Variants in KAZN observed in about 807,000 individuals in gnomAD.
The protein encoded by KAZN is kazrin.
KAZN carries 40 observed loss-of-function variants against 87.4 expected under a neutral mutation model. That is an observed-to-expected ratio of 0.46 (90% CI 0.36 to 0.60). The LOEUF (loss-of-function observed/expected upper bound fraction) is 0.60, where lower values mean the gene tolerates loss of function less well. Ranked by LOEUF, KAZN falls within the 20% of genes least tolerant of loss-of-function variation. The pLI, the probability that KAZN is intolerant of heterozygous loss-of-function variation, is 0.00. For synonymous variants in KAZN, 466 were observed against 458.3 expected (o/e 1.02, Z -0.22); for missense variants, 898 against 1,073.9 (o/e 0.84, Z 2.29).
chr1:14,042,947 A>C (rs949597939), intron 1 of KAZN, among the ~76,000 whole-genome samples: 4 of 152,156 alleles, frequency 2.6e-5, no homozygotes, highest in Admixed American at 2.0e-4. Flanking sequence ...CAAAACATAA[A>C]ATTTACCATT....
chr1:13,936,321 C>T (rs556086696), intron 1 of KAZN, among the ~76,000 whole-genome samples: 20 of 151,740 alleles, frequency 1.3e-4, no homozygotes, highest in East Asian at 3.9e-4. Flanking sequence ...AGGCTGGTCT[C>T]GAACTCCTGA....
intron 1 of KAZN, among the ~76,000 whole-genome samples, chr1:14,085,959 T>C (rs908899156): frequency 3.3e-5 from 5 of 152,260 alleles, no homozygotes; most frequent in Admixed American, 3.3e-4. Context: ...TGATACCCCA[T>C]AGTGGTTTTG....
Position 14,422,398 on chromosome 1 carries a change from G to A in KAZN, c.250-176585G>A, listed in dbSNP as rs560846864. Among the ~76,000 whole-genome samples the A allele has an allele frequency of 2.6e-5, 4 of 152,304 alleles. No homozygotes were observed. In the South Asian group the frequency reaches 8.3e-4, roughly 32 times the overall value. Reference sequence around the variant, plus strand: ...TTCAATAGCACAGGCAAACTACGTAGGTAAAGTATGAGGCTGGCCCAGAAC... The same window carrying A: ...TTCAATAGCACAGGCAAACTACGTAAGTAAAGTATGAGGCTGGCCCAGAAC... On this transcript the variant is annotated intron_variant, in intron 2 of 16. Coordinates refer to the KAZN transcript ENST00000636203.
chr1:14,991,706 A>T (rs1420842159), intron 2 of KAZN, among the ~76,000 whole-genome samples: 1 of 152,068 alleles, frequency 6.6e-6, no homozygotes, highest in Non-Finnish European at 1.5e-5. Context: ...CCCCAGGGGG[A>T]TTGGAGCACA....
intron 1 of KAZN, among the ~76,000 whole-genome samples, chr1:13,906,941 C>T (rs916291119): frequency 3.3e-5 from 5 of 152,126 alleles, no homozygotes; most frequent in East Asian, 1.9e-4. Flanking sequence ...TGGGATTCTT[C>T]GGGAAGTAAG....
chr1:15,044,256 G>T, intron 4 of KAZN, 97 bp downstream of exon 4: 2 of 1,076,166 alleles, frequency 1.9e-6, no homozygotes, highest in African/African-American at 1.6e-5. Context: ...GAGACCTAGG[G>T]TGGGGTGGGT....
chr1:14,005,926 TA>T (rs1640017849), intron 1 of KAZN, among the ~76,000 whole-genome samples: 1 of 152,196 alleles, frequency 6.6e-6, no homozygotes, highest in Non-Finnish European at 1.5e-5. Flanking sequence ...GAGAAAGCTT[TA>T]AACAAAGACT....
chr1:14,174,039 T>A (rs1646015526), intron 1 of KAZN, among the ~76,000 whole-genome samples: 1 of 152,260 alleles, frequency 6.6e-6, no homozygotes, highest in Non-Finnish European at 1.5e-5. Flanking sequence ...AAGGCATTCC[T>A]CTTCGATATC....
At chr1:14,598,636 C>G (rs958149149), upstream of KAZN, 10 of 1,125,128 alleles carry the variant, frequency 8.9e-6, 1 homozygote, top group Middle Eastern at 3.7e-4. The surrounding 1 kb of genome is among the most constrained non-coding windows in gnomAD (Gnocchi z 4.2). Context: ...CCCGAGCCGG[C>G]GGCGAATGGT....
At chr1:14,558,318 C>G (rs148464524) in intron 2 of KAZN, among the ~76,000 whole-genome samples, 1 of 152,184 alleles carries the variant, frequency 6.6e-6, no homozygotes, top group South Asian at 2.1e-4. Context: ...CAGCTGGGCT[C>G]AGCTGCAAGT....
intron 1 of KAZN, among the ~76,000 whole-genome samples, chr1:14,814,813 G>A (rs568201726): frequency 6.6e-6 from 1 of 152,302 alleles, no homozygotes; most frequent in African/African-American, 2.4e-5. Flanking sequence ...TCAAATTCAA[G>A]GAAAGTTTCC....
rs1646469678 is a variant in KAZN at position 14,193,687 on chromosome 1, A to G, written c.249+13095A>G. Reference sequence around the variant, plus strand: ...TTTTTTTTTTTTTTTTTTACCAGGTATAATTCAGTTCAATAGTAGTGCATT... The same window carrying G: ...TTTTTTTTTTTTTTTTTTACCAGGTGTAATTCAGTTCAATAGTAGTGCATT... On this transcript the variant is annotated intron_variant, in intron 2 of 16. Transcript: ENST00000636203. Among the ~76,000 whole-genome samples, 3 of 147,454 alleles carry G rather than the reference A, an allele frequency of 2.0e-5. No individual in the cohort carries two copies. In the South Asian group the frequency reaches 6.4e-4, roughly 31 times the overall value.
intron 1 of KAZN, among the ~76,000 whole-genome samples, chr1:14,068,648 T>A (rs74057011): frequency 6.6e-6 from 1 of 152,168 alleles, no homozygotes; most frequent in Admixed American, 6.5e-5. Flanking sequence ...GGAGAGAAAT[T>A]TGGGCCCTTC....
At chr1:14,940,420 C>CT (rs1158185824) in intron 1 of KAZN, among the ~76,000 whole-genome samples, 1 of 152,250 alleles carries the variant, frequency 6.6e-6, no homozygotes, top group African/African-American at 2.4e-5. Flanking sequence ...CACACTGAGT[C>CT]TGTTTCCTTG....
intron 1 of KAZN, among the ~76,000 whole-genome samples, chr1:14,646,894 G>T (rs1680849778): frequency 6.6e-6 from 1 of 152,208 alleles, no homozygotes; most frequent in South Asian, 2.1e-4. Flanking sequence ...GGTGTAAGCT[G>T]AGATGCCTGA....
intron 1 of KAZN, among the ~76,000 whole-genome samples, chr1:14,914,264 C>T (rs1657559864): frequency 6.6e-6 from 1 of 152,208 alleles, no homozygotes; most frequent in Admixed American, 6.5e-5. Context: ...TAGGGCTTAC[C>T]TGATTAGTCC....
chr1:14,460,387 G>A (rs960118610), intron 2 of KAZN, among the ~76,000 whole-genome samples: 1 of 152,246 alleles, frequency 6.6e-6, no homozygotes, highest in Non-Finnish European at 1.5e-5. Flanking sequence ...CAGCTTGGCA[G>A]CAGCCGGGAG....
intron 2 of KAZN, among the ~76,000 whole-genome samples, chr1:14,327,998 T>G (rs1012212884): frequency 4.6e-5 from 7 of 152,224 alleles, no homozygotes; most frequent in Admixed American, 3.9e-4. Context: ...ACTTGTTTTT[T>G]TCTTATGAAT....
intron 1 of KAZN, among the ~76,000 whole-genome samples, chr1:14,155,585 G>T (rs1484565706): frequency 6.6e-6 from 1 of 151,912 alleles, no homozygotes; most frequent in Non-Finnish European, 1.5e-5. Context: ...GGTTTGGTTT[G>T]CTCTTCCTTT....
Sources: gnomAD v4.1 joint callset for allele counts (sites outside exome capture counted in the v4.1 genomes callset) on GRCh38, gnomAD v4.1.1 for gene constraint, Gnocchi (gnomAD v3.1) non-coding constraint, MANE v1.5 for transcripts, NCBI Gene and HGNC (gene_info 2026-07-23, HGNC 2026-07-21) for gene names.